FHOD3: variants seen among roughly 807,000 people sequenced by gnomAD.
The protein encoded by FHOD3 is formin homology 2 domain containing 3.
In FHOD3, 90 loss-of-function variants were observed where a neutral mutation model predicts 173.0. The observed-to-expected ratio is 0.52, with a 90% CI of 0.44 to 0.62. The LOEUF is 0.62. FHOD3 is among the 20% of genes least tolerant of loss of function. FHOD3 has a pLI of 0.00. For missense variants in FHOD3, 1,945 were observed against 2,034.7 expected (o/e 0.96, Z 0.85); for synonymous variants, 828 against 823.0 (o/e 1.01, Z -0.10).
At chr18:36,456,722 C>T (rs561435944) in intron 3 of FHOD3, among the ~76,000 whole-genome samples, 1 of 152,126 alleles carries the variant, frequency 6.6e-6, no homozygotes, top group East Asian at 1.9e-4. Flanking sequence ...TGGTTGAGCT[C>T]TGGGGACTGC....
At chr18:36,345,876 A>T (rs1416075866) in intron 1 of FHOD3, among the ~76,000 whole-genome samples, 1 of 152,236 alleles carries the variant, frequency 6.6e-6, no homozygotes, top group Admixed American at 6.5e-5. Context: ...AAAAATTCAG[A>T]CAGCACAGTT....
At chr18:36,427,997 TTA>T (rs755306737) in intron 3 of FHOD3, among the ~76,000 whole-genome samples, 6 of 152,154 alleles carry the variant, frequency 3.9e-5, no homozygotes, top group Non-Finnish European at 8.8e-5. Flanking sequence ...TGGCTTGCAA[TTA>T]GGAAATGTTA....
At chr18:36,762,280 A>G (rs1600608590) in intron 27 of FHOD3, among the ~76,000 whole-genome samples, 1 of 152,232 alleles carries the variant, frequency 6.6e-6, no homozygotes, top group East Asian at 1.9e-4. Flanking sequence ...GTAGTTTCCT[A>G]TGAACCAAAG....
intron 1 of FHOD3, among the ~76,000 whole-genome samples, chr18:36,307,669 T>C (rs2092139079): frequency 6.6e-6 from 1 of 152,222 alleles, no homozygotes; most frequent in African/African-American, 2.4e-5. Flanking sequence ...ACTTAAACTG[T>C]GTGTGTGGGT....
At chr18:36,502,865 A>T (rs1796490736) in intron 4 of FHOD3, among the ~76,000 whole-genome samples, 1 of 152,164 alleles carries the variant, frequency 6.6e-6, no homozygotes, top group African/African-American at 2.4e-5. Context: ...TACATATGTG[A>T]TCATGTTGCA....
chr18:36,631,486 T>C (rs2148865278), intron 10 of FHOD3, among the ~76,000 whole-genome samples: 1 of 152,096 alleles, frequency 6.6e-6, no homozygotes, highest in Non-Finnish European at 1.5e-5. Flanking sequence ...AGTTGTACCA[T>C]ATAGTGCAAA....
At chr18:36,540,286 C>T (rs1443205809) in intron 5 of FHOD3, among the ~76,000 whole-genome samples, 1 of 152,182 alleles carries the variant, frequency 6.6e-6, no homozygotes, top group Admixed American at 6.5e-5. Flanking sequence ...AATGTAATTC[C>T]TTCAACATTT....
At chr18:36,338,677 G>C (rs1425529041) in intron 1 of FHOD3, among the ~76,000 whole-genome samples, 1 of 152,168 alleles carries the variant, frequency 6.6e-6, no homozygotes, top group Non-Finnish European at 1.5e-5. Context: ...TTCCTGGCCA[G>C]CAGGCAGCTC....
At chr18:36,473,109 G>A (rs2053374594) in intron 3 of FHOD3, among the ~76,000 whole-genome samples, 1 of 152,192 alleles carries the variant, frequency 6.6e-6, no homozygotes, top group South Asian at 2.1e-4. Flanking sequence ...CCTTGGGCCA[G>A]CACCACCAGC....
intron 3 of FHOD3, among the ~76,000 whole-genome samples, chr18:36,380,518 T>C (rs1180899657): frequency 1.4e-5 from 2 of 142,542 alleles, no homozygotes; most frequent in African/African-American, 2.6e-5. Context: ...CCTCCTTTCC[T>C]CTCTCCCTTT....
chr18:36,354,792 C>T (rs563849666), intron 1 of FHOD3, among the ~76,000 whole-genome samples: 15 of 150,428 alleles, frequency 1.0e-4, no homozygotes, highest in African/African-American at 2.2e-4. Context: ...GGTGACAGAG[C>T]GAGACTCTGT....
rs60189688 is a variant in FHOD3 at position 36,493,213 on chromosome 18, C to CTTT, written c.338-8703_338-8701dup. 9.1e-3 allele frequency among the ~76,000 whole-genome samples: 1,259 copies of CTTT among 138,120 alleles called. 14 individuals are homozygous for CTTT. The highest frequency in any genetic ancestry group is 0.022 in the African/African-American group (846 of 37,662). 90.6% of individuals were successfully genotyped at this position (138,120 alleles called of 152,430 possible). ...TATCTGAACTTTTTCTTTTCTTTTTCTTTTTTTTTTTTTTTTTTACAACTT... is the reference window on the plus strand; with the variant it reads ...TATCTGAACTTTTTCTTTTCTTTTTCTTTTTTTTTTTTTTTTTTTTTACAACTT... On this transcript the variant is annotated intron_variant, in intron 3 of 28. Transcript: ENST00000590592.
intron 5 of FHOD3, among the ~76,000 whole-genome samples, chr18:36,574,406 A>T (rs1191543102): frequency 6.6e-6 from 1 of 152,178 alleles, no homozygotes; most frequent in African/African-American, 2.4e-5. Flanking sequence ...GTTGTCTCTC[A>T]TATAAAATGC....
rs1342884978 is a variant in FHOD3 at position 36,681,550 on chromosome 18, G to A, written c.1950G>A (p.Arg650=). The change falls in exon 15 of 29, where the codon CGG becomes CGA. Residue 650 remains arginine, a synonymous_variant. Coordinates refer to ENST00000590592, the MANE Select transcript of FHOD3 (RefSeq NM_001281740.3). ...AAGAAAGGTTGCAGAGAATAGAGCGGGAAGAAAGAAACAAATTCAGGTAAG... is the reference window on the plus strand; with the variant it reads ...AAGAAAGGTTGCAGAGAATAGAGCGAGAAGAAAGAAACAAATTCAGGTAAG... The part of the protein sequence containing the change: ...EREERLQRIE[R]EERNKFSRDY... The A allele has an allele frequency of 1.2e-6, 2 of 1,613,410 alleles. No homozygotes were observed.
chr18:36,383,251 A>T (rs1208937525), intron 3 of FHOD3, among the ~76,000 whole-genome samples: 2 of 152,120 alleles, frequency 1.3e-5, no homozygotes, highest in Non-Finnish European at 2.9e-5. Flanking sequence ...TGGTCTGAGG[A>T]TTCTGTCTGA....
At chr18:36,538,590 G>A in intron 5 of FHOD3, among the ~76,000 whole-genome samples, 1 of 152,150 alleles carries the variant, frequency 6.6e-6, no homozygotes, top group Non-Finnish European at 1.5e-5. Flanking sequence ...GTAGGTTAAT[G>A]GTTAGACTGC....
At chr18:36,348,584 T>C (rs1312006449) in intron 1 of FHOD3, among the ~76,000 whole-genome samples, 2 of 152,016 alleles carry the variant, frequency 1.3e-5, no homozygotes, top group Non-Finnish European at 2.9e-5. Context: ...ACTCTGGGGG[T>C]TTGGGACTTC....
intron 28 of FHOD3, 119 bp downstream of exon 28, chr18:36,769,545 C>A: frequency 7.7e-7 from 1 of 1,299,894 alleles, no homozygotes; most frequent in Non-Finnish European, 1.0e-6. Context: ...TCCCAGAGTG[C>A]CTACTTGCAC....
At chr18:36,647,195 C>G (rs548423239) in intron 10 of FHOD3, among the ~76,000 whole-genome samples, 1 of 152,154 alleles carries the variant, frequency 6.6e-6, no homozygotes, top group South Asian at 2.1e-4. Context: ...GAGCCAAGAT[C>G]GTGCCACTGC....
Sources: allele counts gnomAD v4.1 joint callset (sites outside exome capture counted in the v4.1 genomes callset), GRCh38; gene constraint gnomAD v4.1.1; transcripts MANE v1.5; gene names NCBI Gene and HGNC (gene_info 2026-07-23, HGNC 2026-07-21).